The following UNC79 variants were observed in gnomAD, a reference collection of about 807,000 sequenced individuals.
UNC79 encodes the protein unc-79 subunit of NALCN channel complex, also known as protein unc-79 homolog.
In UNC79, 37 loss-of-function variants were observed where a neutral mutation model predicts 283.1. The ratio of observed to expected loss-of-function variants is 0.13; its 90% CI spans 0.10 to 0.17. The LOEUF is 0.17. Ranked by LOEUF, UNC79 falls within the 10% of genes least tolerant of loss-of-function variation. The pLI is 1.00. For synonymous variants in UNC79, 1,107 were observed against 1,200.2 expected, an observed-to-expected ratio of 0.92 and a Z score of 1.61; for missense variants, 2,272 against 3,211.1, an observed-to-expected ratio of 0.71 and a Z score of 7.07.
At chr14:93,459,215 C>T (rs1474436041) in intron 1 of UNC79, among the ~76,000 whole-genome samples, 1 of 152,228 alleles carries the variant, frequency 6.6e-6, no homozygotes, top group African/African-American at 2.4e-5. Context: ...TGGTCTCAAA[C>T]TCCTGACCTT....
chr14:93,680,946 G>A (rs930288258), intron 41 of UNC79, among the ~76,000 whole-genome samples: 1 of 152,090 alleles, frequency 6.6e-6, no homozygotes, highest in East Asian at 1.9e-4. Context: ...TTTACTTATA[G>A]GTTTTGGCTG....
Position 93,496,483 on chromosome 14 carries a change from AT to A in UNC79, c.768+20del. On this transcript the variant is annotated intron_variant, in intron 6 of 48. Transcript: ENST00000555664. The stretch of plus-strand genomic sequence containing the variant: ...GTCTGGAAAGTAAGTTTTGGGTCAA[AT>A]TTAACCCATAGTCACAAACTTAATT... 6.6e-7 allele frequency: 1 copy of A among 1,515,134 alleles called. No individual in the cohort carries two copies. The highest frequency in any genetic ancestry group is 8.8e-7 in the Non-Finnish European group (1 of 1,135,950). 93.9% of individuals were successfully genotyped at this position (1,515,134 alleles called of 1,614,324 possible). A position where few individuals can be genotyped will look rare whatever the true frequency, so the allele number is the denominator to read the frequency against.
chr14:93,641,121 G>A, intron 32 of UNC79, 24 bp from the exon 36 acceptor site: 1 of 1,606,382 alleles, frequency 6.2e-7, no homozygotes, highest in Non-Finnish European at 8.5e-7. Flanking sequence ...ATATTCACTG[G>A]TTGTCCCTTT....
chr14:93,514,790 T>C (rs1314708246), intron 7 of UNC79, among the ~76,000 whole-genome samples: 1 of 152,208 alleles, frequency 6.6e-6, no homozygotes, highest in African/African-American at 2.4e-5. Flanking sequence ...CCAAGGTGAA[T>C]GTAGAACTTA....
rs1288208653 is a variant in UNC79, at chr14:93,418,362, C to G, written c.-350-49309C>G. ...TTTCGTGAACCGTGAATGCTGCTGT[C>G]TGATCATTCCTCTGGAAGTTTTGTC... On this transcript the variant is annotated intron_variant, in intron 1 of 49. Transcript: ENST00000256339. Among the ~76,000 whole-genome samples the G allele has an allele frequency of 4.6e-5, 7 of 151,722 alleles. 1 individual carries two copies. The highest frequency in any genetic ancestry group is 7.4e-5 in the Non-Finnish European group (5 of 67,886).
Position 93,694,310 on chromosome 14 carries a change from T to C in UNC79, c.7471-25T>C, listed in dbSNP as rs1472469313. 1.9e-6 allele frequency: 3 copies of C among 1,601,376 alleles called. No homozygotes were observed. The Admixed American group carries it at 5.0e-5, about 27-fold the overall frequency. On this transcript the variant is annotated intron_variant, in intron 46 of 48. Transcript: ENST00000555664. The stretch of plus-strand genomic sequence containing the variant: ...GGTTTCTATATCACTGGAAATGGAA[T>C]TAACTTTCATGTTTGTTGTTTCAGA...
chr14:93,678,860 A>G (rs1194413128), intron 41 of UNC79, among the ~76,000 whole-genome samples: 1 of 152,228 alleles, frequency 6.6e-6, no homozygotes, highest in Non-Finnish European at 1.5e-5. Flanking sequence ...TGGAGATAGG[A>G]AAGAATTTGC....
chr14:93,649,064 A>G (rs540848156), intron 35 of UNC79, among the ~76,000 whole-genome samples: 2 of 152,192 alleles, frequency 1.3e-5, no homozygotes, highest in Non-Finnish European at 2.9e-5. Flanking sequence ...CTTTGGCCAC[A>G]TTGATCTCTC....
chr14:93,567,873 T>C (rs1156595062), intron 14 of UNC79, among the ~76,000 whole-genome samples: 5 of 152,134 alleles, frequency 3.3e-5, no homozygotes, highest in African/African-American at 7.2e-5. Context: ...TAGGGAGACA[T>C]GAGACATCAA....
intron 1 of UNC79, among the ~76,000 whole-genome samples, chr14:93,342,429 AC>A (rs1424470223): frequency 2.6e-5 from 4 of 152,030 alleles, no homozygotes; most frequent in Non-Finnish European, 4.4e-5. Flanking sequence ...TCCTGGGCCC[AC>A]CCCATGAAGC....
rs74523553 is a variant in UNC79, at chr14:93,376,333, G to A, written c.-351+42810G>A. ...TTTAAATTTTTTCAAATGCTGTGTG[G>A]TGATATAAAATCTTTCTCTAATCTT... On this transcript the variant is annotated intron_variant, in intron 1 of 49. Transcript: ENST00000256339. Among the ~76,000 whole-genome samples the A allele has an allele frequency of 4.5e-3, 692 of 152,216 alleles. 3 individuals are homozygous for A. Among genetic ancestry groups the A allele is most frequent in the African/African-American group, 0.016 (658 of 41,532 alleles).
chr14:93,532,629 G>A (rs2060882200), intron 11 of UNC79, 51 bp downstream of exon 11: 9 of 1,601,626 alleles, frequency 5.6e-6, no homozygotes, highest in Non-Finnish European at 7.7e-6. Flanking sequence ...GTGTTTGTAT[G>A]TAAATTCATT....
chr14:93,477,330 C>T (rs2057859539), intron 3 of UNC79, among the ~76,000 whole-genome samples: 1 of 152,100 alleles, frequency 6.6e-6, no homozygotes, highest in Admixed American at 6.6e-5. Flanking sequence ...AGGAAAAATG[C>T]ATGTAATGGA....
At chr14:93,704,382 A>G (rs1183131855) in intron 47 of UNC79, among the ~76,000 whole-genome samples, 1 of 152,200 alleles carries the variant, frequency 6.6e-6, no homozygotes, top group Non-Finnish European at 1.5e-5. Flanking sequence ...ACAATCAGTC[A>G]TTTACTCTAA....
chr14:93,459,921 T>C (rs113549056), intron 1 of UNC79, among the ~76,000 whole-genome samples: 6 of 77,270 alleles, frequency 7.8e-5, no homozygotes, highest in African/African-American at 1.1e-4. Flanking sequence ...CCGCCCGCCT[T>C]GGCCTCCCAA....
chr14:93,349,269 T>C (rs1380832310), intron 1 of UNC79, among the ~76,000 whole-genome samples: 1 of 152,134 alleles, frequency 6.6e-6, no homozygotes, highest in African/African-American at 2.4e-5. Context: ...ATACCAATTG[T>C]GAGAAACACA....
At position 93,686,667 on chromosome 14, in the gene UNC79, A is replaced by G; in HGVS notation, c.6909+6A>G. On this transcript the variant is annotated splice_donor_region_variant and intron_variant, in intron 43 of 48. Transcript: ENST00000555664. ...ACACGCTGACCAAACTGAAGGTGAG[A>G]TGACCGCCACCTGCTCATCCCTCAG... 1 of 1,614,056 alleles carries G rather than the reference A, an allele frequency of 6.2e-7. No homozygotes were observed. Among genetic ancestry groups the G allele is most frequent in the Non-Finnish European group, 8.5e-7 (1 of 1,179,988 alleles).
chr14:93,527,107 TA>T (rs1009362896), intron 8 of UNC79, among the ~76,000 whole-genome samples: 2 of 152,232 alleles, frequency 1.3e-5, no homozygotes, highest in Non-Finnish European at 2.9e-5. Context: ...TGTTGGAACT[TA>T]AAGTTTACGA....
At chr14:93,631,080 C>T (rs2067995018) in intron 31 of UNC79, among the ~76,000 whole-genome samples, 172 bp downstream of exon 33, 1 of 152,004 alleles carries the variant, frequency 6.6e-6, no homozygotes, top group Admixed American at 6.6e-5. Flanking sequence ...GTAGGATGGC[C>T]CACTTTCGTC....
Sources: gnomAD v4.1 joint callset for allele counts (sites outside exome capture counted in the v4.1 genomes callset) on GRCh38, gnomAD v4.1.1 for gene constraint, MANE v1.5 for transcripts, NCBI Gene and HGNC (gene_info 2026-07-23, HGNC 2026-07-21) for gene names.